The following ASTN1 variants were observed in gnomAD, a reference collection of about 807,000 sequenced individuals.
ASTN1 encodes astrotactin-1.
Under a neutral mutation model 140.7 loss-of-function variants are expected in ASTN1, and 41 were observed. The observed-to-expected ratio is 0.29, with a 90% confidence interval of 0.23 to 0.38. The LOEUF (loss-of-function observed/expected upper bound fraction) is 0.38. Ranked by LOEUF, ASTN1 falls within the 10% of genes least tolerant of loss-of-function variation. The pLI is 1.00. For missense variants in ASTN1, 1,479 were observed against 1,678.8 expected (o/e 0.88, Z 2.08); for synonymous variants, 640 against 652.2 (o/e 0.98, Z 0.29).
chr1:176,909,309 A>C (rs1308945621), intron 16 of ASTN1, among the ~76,000 whole-genome samples: 2 of 152,242 alleles, frequency 1.3e-5, no homozygotes, highest in Admixed American at 1.3e-4. Flanking sequence ...TTGATGCATG[A>C]GATCTATCAG....
chr1:176,936,975 G>A (rs1671477120), intron 14 of ASTN1, among the ~76,000 whole-genome samples: 1 of 152,132 alleles, frequency 6.6e-6, no homozygotes, highest in Non-Finnish European at 1.5e-5. Context: ...AATAAAATTG[G>A]GGGCGTAAAA....
rs1286906831 is a variant in ASTN1, at chr1:176,863,619, T to C, written c.*665A>G. The C allele has an allele frequency of 1.0e-6, 1 of 985,416 alleles. No homozygotes were observed. The highest frequency in any genetic ancestry group is 1.7e-5 in the African/African-American group (1 of 57,232). The allele number at this position is 985,416 out of a possible 1,614,324, so 61.0% of individuals were successfully genotyped here. On this transcript the variant is annotated 3_prime_UTR_variant, in exon 23 of 23. Coordinates refer to ENST00000361833, the MANE Select transcript of ASTN1 (RefSeq NM_004319.3). Reference sequence around the variant, plus strand: ...CTGACAGAGGGAGATTTAATCCCAGTCCTGGCTTAAAATAAGGAAGGATCT... The same window carrying C: ...CTGACAGAGGGAGATTTAATCCCAGCCCTGGCTTAAAATAAGGAAGGATCT...
chr1:177,135,558 C>A (rs1571834169), intron 1 of ASTN1, among the ~76,000 whole-genome samples: 1 of 152,222 alleles, frequency 6.6e-6, no homozygotes, highest in African/African-American at 2.4e-5. Flanking sequence ...CAAGGCCCAG[C>A]AACAGGAAGT....
chr1:177,048,428 TC>T (rs1677360317), intron 2 of ASTN1, among the ~76,000 whole-genome samples: 2 of 152,162 alleles, frequency 1.3e-5, no homozygotes, highest in Admixed American at 6.5e-5. Context: ...AAATACTTTT[TC>T]CCCCTTAAGG....
chr1:176,891,498 A>G (rs1669264462), intron 17 of ASTN1, among the ~76,000 whole-genome samples: 1 of 152,200 alleles, frequency 6.6e-6, no homozygotes, highest in African/African-American at 2.4e-5. Flanking sequence ...CATGCTATAA[A>G]AGATGTAGAT....
intron 1 of ASTN1, among the ~76,000 whole-genome samples, chr1:177,108,078 G>A (rs1029649707): frequency 9.2e-5 from 14 of 152,068 alleles, no homozygotes; most frequent in Non-Finnish European, 1.5e-5. Context: ...AGCCAGGCGT[G>A]GTGATTCACA....
intron 21 of ASTN1, among the ~76,000 whole-genome samples, chr1:176,869,732 C>G (rs917068395): frequency 2.0e-5 from 3 of 152,180 alleles, no homozygotes; most frequent in Non-Finnish European, 2.9e-5. Flanking sequence ...GGGGCATTAA[C>G]AACCCTGCAC....
At position 177,093,098 on chromosome 1, in the gene ASTN1, T is replaced by C. The variant is rs571716184; in HGVS notation, c.284-31833A>G. Among the ~76,000 whole-genome samples the C allele has an allele frequency of 5.3e-5, 8 of 152,306 alleles. No individual in the cohort carries two copies. In the South Asian group the frequency reaches 1.7e-3, roughly 32 times the overall value. On this transcript the variant is annotated intron_variant, in intron 1 of 22. Coordinates refer to ENST00000361833, the MANE Select transcript of ASTN1 (RefSeq NM_004319.3). ...TCCTTTGGTCACTGTGCATGACCAG[T>C]ACCTAGAAAAAAGTCTGGTACATGG...
At chr1:176,939,961 G>T (rs980116873) in intron 14 of ASTN1, among the ~76,000 whole-genome samples, 3 of 152,010 alleles carry the variant, frequency 2.0e-5, no homozygotes, top group Admixed American at 2.0e-4. Flanking sequence ...GAAATGTCAG[G>T]GATATATGTA....
At chr1:177,117,045 T>C (rs1424746297) in intron 1 of ASTN1, among the ~76,000 whole-genome samples, 2 of 152,174 alleles carry the variant, frequency 1.3e-5, no homozygotes, top group African/African-American at 4.8e-5. Flanking sequence ...AGTAGGTGTC[T>C]ACGTGCATTT....
chr1:176,939,161 C>T (rs538433927), intron 14 of ASTN1, among the ~76,000 whole-genome samples: 1 of 152,016 alleles, frequency 6.6e-6, no homozygotes, highest in African/African-American at 2.4e-5. Context: ...ATCATAGTAT[C>T]ATACACATAC....
chr1:176,964,357 C>CATGT (rs1267589862), intron 9 of ASTN1, among the ~76,000 whole-genome samples: 1 of 152,132 alleles, frequency 6.6e-6, no homozygotes, highest in Non-Finnish European at 1.5e-5. Context: ...CAAGGAGGGA[C>CATGT]ATGTATTCAC....
chr1:177,121,461 T>C lies in ASTN1; in HGVS notation c.283+42933A>G, dbSNP rs919719212. ...TCAGTTCTGCTCCTTGAGGGCTATA[T>C]GATGGCGGGCAAGTTACTGTCCTCT... On this transcript the variant is annotated intron_variant, in intron 1 of 22. Transcript: ENST00000361833. Among the ~76,000 whole-genome samples the C allele has an allele frequency of 2.0e-5, 3 of 152,108 alleles. No individual in the cohort carries two copies. The East Asian group carries it at 5.8e-4, about 29-fold the overall frequency.
At chr1:177,092,840 G>A (rs1679824472) in intron 1 of ASTN1, among the ~76,000 whole-genome samples, 1 of 152,164 alleles carries the variant, frequency 6.6e-6, no homozygotes, top group Non-Finnish European at 1.5e-5. Flanking sequence ...CTTCTAGGCT[G>A]TAAAGTGATA....
chr1:176,871,304 CG>C (rs1359106740), intron 21 of ASTN1, among the ~76,000 whole-genome samples: 6 of 151,924 alleles, frequency 3.9e-5, no homozygotes, highest in Non-Finnish European at 7.4e-5. Context: ...GAAGAATGAC[CG>C]GGGGAGGAAA....
At chr1:177,097,854 AC>A in intron 1 of ASTN1, among the ~76,000 whole-genome samples, 1 of 152,240 alleles carries the variant, frequency 6.6e-6, no homozygotes, top group South Asian at 2.1e-4. Context: ...CCTCCGTAAA[AC>A]CCCTAAATGA....
intron 12 of ASTN1, among the ~76,000 whole-genome samples, chr1:176,946,405 A>G (rs1164360873): frequency 1.3e-5 from 2 of 152,218 alleles, no homozygotes; most frequent in African/African-American, 4.8e-5. Context: ...ACAGTTACCC[A>G]AATAGGTCAG....
chr1:177,030,761 A>G (rs1482829019), intron 4 of ASTN1, 45 bp downstream of exon 4: 4 of 1,611,138 alleles, frequency 2.5e-6, no homozygotes, highest in African/African-American at 1.3e-5. Context: ...GCCTCTACCA[A>G]TATGAAGGAA....
At chr1:176,986,843 C>A (rs228002) in intron 8 of ASTN1, among the ~76,000 whole-genome samples, 1 of 152,018 alleles carries the variant, frequency 6.6e-6, no homozygotes, top group South Asian at 2.1e-4. Flanking sequence ...CACGTGTTAA[C>A]TGCTTATAGT....
Sources: gnomAD v4.1 joint callset for allele counts (sites outside exome capture counted in the v4.1 genomes callset) on GRCh38, gnomAD v4.1.1 for gene constraint, MANE v1.5 for transcripts, NCBI Gene and HGNC (gene_info 2026-07-23, HGNC 2026-07-21) for gene names.